DSCAML1: variants seen among roughly 807,000 people sequenced by gnomAD.
DSCAML1 encodes the protein DS cell adhesion molecule like 1.
A neutral mutation model predicts 200.5 loss-of-function variants in DSCAML1; 38 were observed. That is an observed-to-expected ratio of 0.19 (90% CI 0.15 to 0.25). The LOEUF is 0.25. DSCAML1 is among the 10% of genes least tolerant of loss of function. The pLI is 1.00. For synonymous variants in DSCAML1, 1,215 were observed against 1,165.0 expected (o/e 1.04, Z -0.87); for missense variants, 2,223 against 2,858.8 (o/e 0.78, Z 5.07).
chr11:117,467,578 T>G (rs915743911), intron 16 of DSCAML1, among the ~76,000 whole-genome samples: 1 of 152,170 alleles, frequency 6.6e-6, no homozygotes, highest in Non-Finnish European at 1.5e-5. Flanking sequence ...TAAAATGAAG[T>G]TTTTAATTTA....
intron 23 of DSCAML1, 88 bp from the exon 24 acceptor site, chr11:117,439,071 C>A: frequency 1.4e-6 from 2 of 1,385,414 alleles, no homozygotes; most frequent in Non-Finnish European, 2.0e-6. Flanking sequence ...AAGGTGCTGG[C>A]TCTCCCACAC....
At chr11:117,561,624 G>A (rs976021697) in intron 3 of DSCAML1, among the ~76,000 whole-genome samples, 1 of 152,136 alleles carries the variant, frequency 6.6e-6, no homozygotes, top group African/African-American at 2.4e-5. Context: ...AGGTCCCTCT[G>A]CCTGTGATGG....
At chr11:117,459,014 C>A in intron 18 of DSCAML1, 105 bp from the exon 19 acceptor site, 1 of 1,421,160 alleles carries the variant, frequency 7.0e-7, no homozygotes, top group Non-Finnish European at 9.6e-7. Context: ...ACAGGCTCAG[C>A]CCTCGACTCC....
intron 3 of DSCAML1, among the ~76,000 whole-genome samples, chr11:117,697,832 C>T (rs147786473): frequency 0.024 from 3,523 of 149,746 alleles, 132 homozygotes; most frequent in African/African-American, 0.081. Context: ...AGTGCAGTGG[C>T]GTGATCTTGG....
At chr11:117,569,275 A>T (rs2050807950) in intron 3 of DSCAML1, among the ~76,000 whole-genome samples, 1 of 152,226 alleles carries the variant, frequency 6.6e-6, no homozygotes, top group South Asian at 2.1e-4. Context: ...CCCTAGAAGA[A>T]AACCTAGGCA....
At chr11:117,593,255 C>A (rs763387091) in intron 3 of DSCAML1, among the ~76,000 whole-genome samples, 2 of 152,218 alleles carry the variant, frequency 1.3e-5, no homozygotes, top group Non-Finnish European at 2.9e-5. Flanking sequence ...TGCCTTCTGC[C>A]CTGCAGCAAA....
intron 19 of DSCAML1, among the ~76,000 whole-genome samples, chr11:117,451,279 C>G (rs1472263295): frequency 1.3e-5 from 2 of 152,224 alleles, no homozygotes; most frequent in Non-Finnish European, 2.9e-5. Flanking sequence ...CTCTCTGGGC[C>G]TGTCTCTCCT....
intron 3 of DSCAML1, among the ~76,000 whole-genome samples, chr11:117,614,065 G>C (rs1818453992): frequency 6.6e-6 from 1 of 152,142 alleles, no homozygotes; most frequent in African/African-American, 2.4e-5. Context: ...TGGGAGGAAA[G>C]GGGCTACAGG....
Position 117,677,062 on chromosome 11 carries a change from C to T in DSCAML1, c.511+99729G>A, listed in dbSNP as rs532890589. ...GCTGGGTGGTGGTTTCTTCACATCTCCCACAAAGGTTTGAGTAAGTCCAAG... is the reference window on the plus strand; with the variant it reads ...GCTGGGTGGTGGTTTCTTCACATCTTCCACAAAGGTTTGAGTAAGTCCAAG... On this transcript the variant is annotated intron_variant, in intron 3 of 32. Transcript: ENST00000651296. 2.6e-5 allele frequency among the ~76,000 whole-genome samples: 4 copies of T among 152,332 alleles called. No individual in the cohort carries two copies. The South Asian group carries it at 8.3e-4, about 32-fold the overall frequency.
chr11:117,535,537 C>A (rs1216613575), intron 3 of DSCAML1, among the ~76,000 whole-genome samples: 2 of 152,216 alleles, frequency 1.3e-5, no homozygotes, highest in Admixed American at 1.3e-4. Context: ...GGGCGCCAAG[C>A]CCTGCAGCTG....
intron 3 of DSCAML1, among the ~76,000 whole-genome samples, chr11:117,769,509 T>A (rs1428524237): frequency 2.1e-4 from 18 of 87,376 alleles, no homozygotes; most frequent in East Asian, 4.7e-4. Context: ...TAATATATAT[T>A]TTATATATAT....
In DSCAML1 at chr11:117,463,017, G is replaced by A. The variant is rs113124365; in HGVS notation, c.3266-1421C>T. 3.4e-3 allele frequency among the ~76,000 whole-genome samples: 522 copies of A among 152,360 alleles called. 3 individuals carry two copies. The highest frequency in any genetic ancestry group is 0.012 in the African/African-American group (508 of 41,588). On this transcript the variant is annotated intron_variant, in intron 17 of 32. Coordinates refer to ENST00000651296, the MANE Select transcript of DSCAML1 (RefSeq NM_020693.4). This position sits in a 1 kb window ranked among gnomAD's most constrained non-coding sequence, Gnocchi z 4.0. ...GCCAGAGGTGGGCCTGGCGTGGCCC[G>A]GGTGGTGCATGGGAGCTTAGCGTTA... is the stretch of plus-strand genomic sequence containing the variant.
chr11:117,710,476 C>T (rs1482780550), intron 3 of DSCAML1, among the ~76,000 whole-genome samples: 1 of 152,160 alleles, frequency 6.6e-6, no homozygotes, highest in Admixed American at 6.5e-5. Context: ...AAGAGTCCCT[C>T]TCTGCAACGT....
At chr11:117,446,408 A>C (rs7125517) in intron 20 of DSCAML1, among the ~76,000 whole-genome samples, 89,505 of 152,036 alleles carry the variant, frequency 0.59, 27,826 homozygotes, top group East Asian at 0.85. Flanking sequence ...AATCAATAGG[A>C]AAGCAATGAA....
chr11:117,660,564 T>C (rs1368422043), intron 3 of DSCAML1, among the ~76,000 whole-genome samples: 1 of 152,158 alleles, frequency 6.6e-6, no homozygotes, highest in Non-Finnish European at 1.5e-5. Flanking sequence ...GGGGAGGCTG[T>C]AGCCGGGGCT....
intron 3 of DSCAML1, among the ~76,000 whole-genome samples, chr11:117,759,632 C>T (rs2054763448): frequency 6.6e-6 from 1 of 152,180 alleles, no homozygotes; most frequent in Non-Finnish European, 1.5e-5. Context: ...GCCCCGCAGG[C>T]CCACTCTCTT....
intron 3 of DSCAML1, among the ~76,000 whole-genome samples, chr11:117,538,458 C>T (rs1472473028): frequency 2.0e-5 from 3 of 152,182 alleles, no homozygotes; most frequent in Non-Finnish European, 4.4e-5. Flanking sequence ...GCGCCTCCTG[C>T]GGTCAGGCCT....
At chr11:117,577,899 C>A (rs563781111) in intron 3 of DSCAML1, among the ~76,000 whole-genome samples, 1 of 151,774 alleles carries the variant, frequency 6.6e-6, no homozygotes, top group African/African-American at 2.4e-5. Flanking sequence ...ACCTGGTCCA[C>A]CAGAGGCATT....
chr11:117,560,944 TC>T (rs2050650621), intron 3 of DSCAML1, among the ~76,000 whole-genome samples: 1 of 152,168 alleles, frequency 6.6e-6, no homozygotes, highest in Non-Finnish European at 1.5e-5. Flanking sequence ...CCAAGAGCTC[TC>T]CTGAGGGCGG....
Sources: gnomAD v4.1 joint callset for allele counts (sites outside exome capture counted in the v4.1 genomes callset) on GRCh38, gnomAD v4.1.1 for gene constraint, Gnocchi (gnomAD v3.1) non-coding constraint, MANE v1.5 for transcripts, NCBI Gene and HGNC (gene_info 2026-07-23, HGNC 2026-07-21) for gene names.